Variants in PTK2 observed in about 807,000 individuals in gnomAD.
PTK2 encodes protein tyrosine kinase 2.
PTK2 carries 45 observed loss-of-function variants against 150.1 expected under a neutral mutation model. The observed-to-expected ratio is 0.30, with a 90% confidence interval of 0.24 to 0.38. The LOEUF (loss-of-function observed/expected upper bound fraction) is 0.38, where lower values mean the gene tolerates loss of function less well. PTK2 is among the 10% of genes least tolerant of loss of function. PTK2 has a pLI of 1.00. For synonymous variants in PTK2, 432 were observed against 449.2 expected (o/e 0.96, Z 0.48); for missense variants, 919 against 1,307.3 (o/e 0.70, Z 4.58).
intron 15 of PTK2, among the ~76,000 whole-genome samples, chr8:140,763,919 T>C (rs1020195390): frequency 8.5e-5 from 13 of 152,158 alleles, no homozygotes; most frequent in Admixed American, 8.5e-4. Flanking sequence ...ACATATATAC[T>C]TAACCAATAA....
At chr8:140,893,749 T>A (rs932775610) in intron 2 of PTK2, among the ~76,000 whole-genome samples, 65 of 152,164 alleles carry the variant, frequency 4.3e-4, no homozygotes, top group African/African-American at 1.5e-3. Context: ...ATTGCACACT[T>A]TGAAGTTGTT....
intron 2 of PTK2, among the ~76,000 whole-genome samples, chr8:140,919,668 C>A (rs898069138): frequency 1.3e-5 from 2 of 152,114 alleles, no homozygotes; most frequent in Admixed American, 6.6e-5. Context: ...ATTAGTCACA[C>A]TCACTTATAC....
intron 10 of PTK2, among the ~76,000 whole-genome samples, chr8:140,804,025 C>T (rs1167021889): frequency 6.6e-6 from 1 of 152,186 alleles, no homozygotes; most frequent in Non-Finnish European, 1.5e-5. Flanking sequence ...AGAGAACATT[C>T]TACTCCCATT....
intron 1 of PTK2, among the ~76,000 whole-genome samples, chr8:140,952,690 C>T (rs2100179909): frequency 6.6e-6 from 1 of 152,150 alleles, no homozygotes; most frequent in Non-Finnish European, 1.5e-5. Flanking sequence ...ACTGTAACAA[C>T]ATAAACAAAA....
intron 7 of PTK2, among the ~76,000 whole-genome samples, chr8:140,837,178 C>T (rs1290896796): frequency 6.6e-6 from 1 of 152,212 alleles, no homozygotes; most frequent in South Asian, 2.1e-4. Flanking sequence ...CTGTTTTGCA[C>T]TCCAGTTGTT....
intron 2 of PTK2, among the ~76,000 whole-genome samples, chr8:140,907,576 C>T (rs903664101): frequency 6.6e-6 from 1 of 152,036 alleles, no homozygotes; most frequent in East Asian, 1.9e-4. Context: ...ACAACAACAA[C>T]AAAAAACAAA....
intron 31 of PTK2, chr8:140,660,684 C>T (rs946934837): frequency 4.5e-6 from 2 of 448,876 alleles, no homozygotes; most frequent in African/African-American, 2.0e-5. Flanking sequence ...CAAGATCGTG[C>T]CATTGCACTC....
intron 8 of PTK2, among the ~76,000 whole-genome samples, chr8:140,829,258 C>T (rs1182857768): frequency 1.3e-5 from 2 of 148,956 alleles, no homozygotes; most frequent in African/African-American, 5.0e-5. Context: ...ATTAGATTAT[C>T]AAGAAGCTAT....
intron 13 of PTK2, among the ~76,000 whole-genome samples, chr8:140,790,118 G>A (rs940406533): frequency 1.2e-4 from 18 of 152,178 alleles, no homozygotes; most frequent in African/African-American, 4.3e-4. Context: ...AAAAGTCTTG[G>A]TGCCGTTTAA....
At chr8:140,771,615 A>T (rs2100075546) in intron 14 of PTK2, among the ~76,000 whole-genome samples, 1 of 152,184 alleles carries the variant, frequency 6.6e-6, no homozygotes, top group African/African-American at 2.4e-5. Context: ...GGGGTATCAT[A>T]AAGAAAGATC....
intron 25 of PTK2, 24 bp from the exon 29 acceptor site, chr8:140,701,046 A>G: frequency 6.2e-7 from 1 of 1,609,772 alleles, no homozygotes; most frequent in Non-Finnish European, 8.5e-7. Context: ...TGAAAACAGC[A>G]TATTCAGTCT....
At chr8:140,866,013 G>C (rs2100139048) in intron 4 of PTK2, among the ~76,000 whole-genome samples, 1 of 152,252 alleles carries the variant, frequency 6.6e-6, no homozygotes, top group South Asian at 2.1e-4. Context: ...TCGAACTCCT[G>C]AGTCAGTTCA....
At chr8:140,860,519 G>A (rs2100135433) in intron 5 of PTK2, among the ~76,000 whole-genome samples, 1 of 152,172 alleles carries the variant, frequency 6.6e-6, no homozygotes, top group Non-Finnish European at 1.5e-5. Flanking sequence ...CTGTCGCCCA[G>A]GCTGGAGTGC....
rs573945986 is a variant in PTK2 at position 140,739,268 on chromosome 8, C to T, written c.1736-161G>A. 7.9e-5 allele frequency among the ~76,000 whole-genome samples: 12 copies of T among 152,234 alleles called. No homozygotes were observed. In the South Asian group the frequency reaches 1.7e-3, roughly 21 times the overall value. ...ACTACTTTTCATTTCCTTGGTGTTT[C>T]GAGGTCACTTAGGGGTGAGGAATGG... On this transcript the variant is annotated intron_variant, in intron 20 of 31. Transcript: ENST00000522684.
chr8:140,826,051 G>A (rs2100111575), intron 8 of PTK2, among the ~76,000 whole-genome samples: 1 of 152,086 alleles, frequency 6.6e-6, no homozygotes, highest in Admixed American at 6.6e-5. Context: ...ACAATTCAAT[G>A]TGAATGTTAA....
At chr8:140,824,108 T>G (rs1462070093) in intron 8 of PTK2, among the ~76,000 whole-genome samples, 1 of 152,204 alleles carries the variant, frequency 6.6e-6, no homozygotes, top group African/African-American at 2.4e-5. Context: ...ATCCTCATTT[T>G]CTCATCCCAA....
At chr8:140,714,490 T>TA (rs527379790) in intron 23 of PTK2, among the ~76,000 whole-genome samples, 3,647 of 139,142 alleles carry the variant, frequency 0.026, 147 homozygotes, top group African/African-American at 0.091. Context: ...AAGGAAGAAA[T>TA]AAAAAAAAAA....
intron 21 of PTK2, among the ~76,000 whole-genome samples, chr8:140,737,118 C>T (rs114802465): frequency 6.6e-6 from 1 of 152,262 alleles, no homozygotes; most frequent in African/African-American, 2.4e-5. Context: ...GTTCCTGGCA[C>T]ACTTCTTAGA....
Position 140,681,347 on chromosome 8 carries a change from C to G in PTK2, c.2562+5285G>C, listed in dbSNP as rs1168756424. ...CAGCCTAGGTGACAGCGCGAGACTC[C>G]GTCTCAAAAAAAAAAAAAAGATCTC... On this transcript the variant is annotated intron_variant, in intron 27 of 31. Transcript: ENST00000522684. Among the ~76,000 whole-genome samples, 6 of 147,010 alleles carry G rather than the reference C, an allele frequency of 4.1e-5. No homozygotes were observed. In the East Asian group the frequency reaches 1.0e-3, roughly 24 times the overall value.
Sources: gnomAD v4.1 joint callset for allele counts (sites outside exome capture counted in the v4.1 genomes callset) on GRCh38, gnomAD v4.1.1 for gene constraint, MANE v1.5 for transcripts, NCBI Gene and HGNC (gene_info 2026-07-23, HGNC 2026-07-21) for gene names.